The following SEPTIN6 variants were observed in gnomAD, a reference collection of about 807,000 sequenced individuals.
SEPTIN6 encodes the protein septin-6.
A neutral mutation model predicts 33.6 loss-of-function variants in SEPTIN6; 8 were observed. That is an observed-to-expected ratio of 0.24 (90% CI 0.14 to 0.43). SEPTIN6 has a LOEUF of 0.43. Among genes scored for constraint, SEPTIN6 ranks in the 20% least tolerant of loss-of-function variants. SEPTIN6 has a pLI of 1.00. For synonymous variants in SEPTIN6, 131 were observed against 140.0 expected (o/e 0.94, Z 0.45); for missense variants, 250 against 340.8 (o/e 0.73, Z 2.10).
intron 2 of SEPTIN6, among the ~76,000 whole-genome samples, chrX:119,675,313 G>A (rs2054823525): frequency 9.0e-6 from 1 of 110,860 alleles, no homozygotes; most frequent in African/African-American, 3.3e-5. Context: ...ATTTCCACTG[G>A]GTCTCACATA....
At chrX:119,651,471 G>A (rs1298597294) in intron 4 of SEPTIN6, among the ~76,000 whole-genome samples, 1 of 111,490 alleles carries the variant, frequency 9.0e-6, no homozygotes, top group Non-Finnish European at 1.9e-5. Flanking sequence ...TTGCGAGTTC[G>A]AGACCAGCTT....
intron 1 of SEPTIN6, among the ~76,000 whole-genome samples, chrX:119,680,238 TATTA>T (rs1344491665): frequency 6.2e-5 from 6 of 96,499 alleles, no homozygotes; most frequent in African/African-American, 1.2e-4. Flanking sequence ...TTTATTTATT[TATTA>T]GAGATGGAGT....
In SEPTIN6 at chrX:119,664,792, G is replaced by A. The variant is rs889050296; in HGVS notation, c.146-1115C>T. Among the ~76,000 whole-genome samples the A allele has an allele frequency of 8.2e-5, 8 of 97,517 alleles. 1 individual carries two copies. The highest frequency in any genetic ancestry group is 3.6e-4 in the Admixed American group (3 of 8,374). 84.7% of individuals were successfully genotyped at this position (97,517 alleles called of 115,157 possible). On this transcript the variant is annotated intron_variant, in intron 2 of 10. Transcript: ENST00000394610. ...GGAGGCAGAGGTTGCAGTGAGCTGA[G>A]ATCGTGCCACTGCACTCCACCCTGG...
At position 119,640,859 on chromosome X, in the gene SEPTIN6, T is replaced by G. The variant is rs1350427708; in HGVS notation, c.691-71A>C. 14 of 940,718 alleles carry G rather than the reference T, an allele frequency of 1.5e-5. No homozygotes were observed. In the Admixed American group the frequency reaches 3.3e-4, roughly 22 times the overall value. 77.5% of individuals were successfully genotyped at this position (940,718 alleles called of 1,213,427 possible). Reference sequence around the variant, plus strand: ...ACTGAGTGTTACACAACCCAACTGCTGTTCGTCTCTGGGGCCCCAGGCCCT... The same window carrying G: ...ACTGAGTGTTACACAACCCAACTGCGGTTCGTCTCTGGGGCCCCAGGCCCT... On this transcript the variant is annotated intron_variant, in intron 5 of 10. Transcript: ENST00000394610.
intron 3 of SEPTIN6, among the ~76,000 whole-genome samples, chrX:119,657,236 AAC>A (rs1401178292): frequency 2.7e-5 from 3 of 110,176 alleles, no homozygotes; most frequent in Non-Finnish European, 5.7e-5. Context: ...AAAAAAACAA[AAC>A]AAAAAAACTG....
chrX:119,652,434 G>A (rs1480082354), intron 4 of SEPTIN6, among the ~76,000 whole-genome samples: 1 of 111,844 alleles, frequency 8.9e-6, no homozygotes, highest in Non-Finnish European at 1.9e-5. Flanking sequence ...TACTTCACGG[G>A]GCTGGCATAT....
Position 119,617,516 on chromosome X carries a change from G to C in SEPTIN6, c.*2577C>G. On this transcript the variant is annotated 3_prime_UTR_variant, in exon 11 of 11. Transcript: ENST00000394610. Reference sequence around the variant, plus strand: ...GGTCATTGGGTTAAGGAGCTGGCCCGGCATGCCTTCGTTTTGCCAGCCCTC... The same window carrying C: ...GGTCATTGGGTTAAGGAGCTGGCCCCGCATGCCTTCGTTTTGCCAGCCCTC... 1.2e-6 allele frequency: 1 copy of C among 804,797 alleles called. No homozygotes were observed. Among genetic ancestry groups the C allele is most frequent in the Non-Finnish European group, 1.5e-6 (1 of 670,405 alleles). The allele number at this position is 804,797 out of a possible 1,213,427, so 66.3% of individuals were successfully genotyped here.
chrX:119,627,791 CTTTTTTTTTTTTT>C (rs973249197), intron 9 of SEPTIN6, among the ~76,000 whole-genome samples: 6 of 73,674 alleles, frequency 8.1e-5, no homozygotes, highest in Admixed American at 3.3e-4. Context: ...ATCTGCACTT[CTTTTTTTTTTTTT>C]TTTTTTTTTT....
At chrX:119,655,171 C>T (rs2054419232) in intron 3 of SEPTIN6, among the ~76,000 whole-genome samples, 1 of 110,667 alleles carries the variant, frequency 9.0e-6, no homozygotes, top group Non-Finnish European at 1.9e-5. Context: ...TTGCCTCTGG[C>T]TCTCGGAAGC....
intron 1 of SEPTIN6, among the ~76,000 whole-genome samples, chrX:119,692,548 T>A (rs2055193438): frequency 9.0e-6 from 1 of 111,396 alleles, no homozygotes; most frequent in Non-Finnish European, 1.9e-5. Flanking sequence ...CGCAGTCACA[T>A]ATGTAATGCA....
chrX:119,647,483 C>CTTTTTTTTTTTTTTTTTTTT (rs61037430), intron 5 of SEPTIN6, among the ~76,000 whole-genome samples: 3 of 74,389 alleles, frequency 4.0e-5, no homozygotes, highest in African/African-American at 6.1e-5. Flanking sequence ...TTCTCTCTCT[C>CTTTTTTTTTTTTTTTTTTTT]TTTTTTTTTT....
intron 5 of SEPTIN6, among the ~76,000 whole-genome samples, chrX:119,647,483 C>CTTTTT (rs61037430): frequency 1.3e-5 from 1 of 74,409 alleles, no homozygotes; most frequent in Non-Finnish European, 2.4e-5. Flanking sequence ...TTCTCTCTCT[C>CTTTTT]TTTTTTTTTT....
At chrX:119,625,314 T>C in intron 10 of SEPTIN6, 21 bp downstream of exon 10, 10 of 1,151,687 alleles carry the variant, frequency 8.7e-6, no homozygotes, top group Non-Finnish European at 1.2e-5. Context: ...GCCAGTTCTA[T>C]TTAGAGTTAA....
At chrX:119,691,388 T>C (rs750816620) in intron 1 of SEPTIN6, among the ~76,000 whole-genome samples, 20 of 112,333 alleles carry the variant, frequency 1.8e-4, no homozygotes, top group Non-Finnish European at 3.6e-4. Flanking sequence ...TTAATTCCTC[T>C]ACTTCAGCTA....
rs2053715794 is a variant in SEPTIN6, at chrX:119,619,678, G to A, written c.*415C>T. 1.1e-6 allele frequency: 1 copy of A among 904,197 alleles called. No homozygotes were observed. Among genetic ancestry groups the A allele is most frequent in the Non-Finnish European group, 1.4e-6 (1 of 734,896 alleles). The allele number at this position is 904,197 out of a possible 1,213,427, so 74.5% of individuals were successfully genotyped here. ...TGCTGATCGGTGGTTACCCAGCCATGGTGGTTGCAAATACCTCAGGGAAAC... is the reference window on the plus strand; with the variant it reads ...TGCTGATCGGTGGTTACCCAGCCATAGTGGTTGCAAATACCTCAGGGAAAC... On this transcript the variant is annotated 3_prime_UTR_variant, in exon 11 of 11. Coordinates refer to ENST00000394610, the MANE Select transcript of SEPTIN6 (RefSeq NM_145799.4).
At chrX:119,667,016 G>A (rs755971891) in intron 2 of SEPTIN6, among the ~76,000 whole-genome samples, 26 of 111,112 alleles carry the variant, frequency 2.3e-4, no homozygotes, top group African/African-American at 8.5e-4. Flanking sequence ...CTATGTGCCT[G>A]ATGAATTTTC....
chrX:119,657,510 T>G, intron 3 of SEPTIN6, among the ~76,000 whole-genome samples: 1 of 110,844 alleles, frequency 9.0e-6, no homozygotes, highest in Middle Eastern at 4.7e-3. Flanking sequence ...CAGACAAGCT[T>G]TCTTTTTTAT....
chrX:119,667,874 G>A (rs760622835), intron 2 of SEPTIN6, among the ~76,000 whole-genome samples: 35 of 111,610 alleles, frequency 3.1e-4, no homozygotes, highest in African/African-American at 9.4e-4. Flanking sequence ...TGGATAGTAA[G>A]GTTTTTAACG....
rs936457794 is a variant in SEPTIN6, at chrX:119,680,062, T to A, written c.31-4394A>T. Among the ~76,000 whole-genome samples, 6 of 110,717 alleles carry A rather than the reference T, an allele frequency of 5.4e-5. No individual in the cohort carries two copies. In the East Asian group the frequency reaches 8.4e-4, roughly 15 times the overall value. ...TTTAAATTAGCTGTTACTAAAAAAATTACATTTATCAGATTTTTTATTTTG... is the reference window on the plus strand; with the variant it reads ...TTTAAATTAGCTGTTACTAAAAAAAATACATTTATCAGATTTTTTATTTTG... On this transcript the variant is annotated intron_variant, in intron 1 of 10. Coordinates refer to ENST00000394610, the MANE Select transcript of SEPTIN6 (RefSeq NM_145799.4).
Sources: gnomAD v4.1 joint callset for allele counts (sites outside exome capture counted in the v4.1 genomes callset) on GRCh38, gnomAD v4.1.1 for gene constraint, MANE v1.5 for transcripts, NCBI Gene and HGNC (gene_info 2026-07-23, HGNC 2026-07-21) for gene names.